C1orf167: variants seen among roughly 807,000 people sequenced by gnomAD.
The protein encoded by C1orf167 is uncharacterized protein C1orf167.
C1orf167 carries 153 observed loss-of-function variants against 176.5 expected under a neutral mutation model. The ratio of observed to expected loss-of-function variants is 0.87; its 90% confidence interval spans 0.76 to 0.99. The LOEUF is 0.99. C1orf167 is among the 50% of genes least tolerant of loss of function. The pLI is 0.00. For synonymous variants in C1orf167, 594 were observed against 752.7 expected (o/e 0.79, Z 3.45); for missense variants, 1,490 against 1,817.7 (o/e 0.82, Z 3.28).
In C1orf167 at chr1:11,771,573, C is replaced by G; in HGVS notation, c.1747C>G (p.Pro583Ala). 1 of 1,289,818 alleles carries G rather than the reference C, an allele frequency of 7.8e-7. No homozygotes were observed. Among genetic ancestry groups the G allele is most frequent in the Non-Finnish European group, 1.0e-6 (1 of 988,880 alleles). 79.9% of individuals were successfully genotyped at this position (1,289,818 alleles called of 1,614,324 possible). The change falls in exon 7 of 21, where the codon CCT becomes GCT. Residue 583 changes from proline (P) to alanine (A), a missense_variant. Transcript: ENST00000688073. The stretch of plus-strand genomic sequence containing the variant: ...GATTGCTCAGCGGCTTCTGTCACAT[C>G]CTAGGCAGAGAACAGACAGCAGACA... Reference protein sequence around the residue: ...EEIAQRLLSHPRQRTDSRHER... With the variant: ...EEIAQRLLSHARQRTDSRHER...
In C1orf167 at chr1:11,768,001, A is replaced by G. The variant is rs1642880241; in HGVS notation, c.1344-76A>G. On this transcript the variant is annotated intron_variant, in intron 4 of 20. Transcript: ENST00000688073. This position sits in a 1 kb window ranked among gnomAD's most constrained non-coding sequence, Gnocchi z 4.5. ...ACTGATTGCTGGAAAGGCATCTCAG[A>G]GGGTATCCAGCCACTGGGCTGTCCC... The G allele has an allele frequency of 9.7e-6, 11 of 1,130,758 alleles. No individual in the cohort carries two copies. Among genetic ancestry groups the G allele is most frequent in the Non-Finnish European group, 4.5e-6 (4 of 879,538 alleles). The allele number at this position is 1,130,758 out of a possible 1,614,324, so 70.0% of individuals were successfully genotyped here. A position where few individuals can be genotyped will look rare whatever the true frequency, so the allele number is the denominator to read the frequency against.
intron 13 of C1orf167, 54 bp downstream of exon 13, chr1:11,780,064 T>A (rs879626202): frequency 8.4e-7 from 1 of 1,187,872 alleles, no homozygotes; most frequent in Admixed American, 3.1e-5. Flanking sequence ...CCAGGGTCTG[T>A]CTGAGACCCA....
At chr1:11,771,069 A>ATTTT (rs147195468) in intron 6 of C1orf167, among the ~76,000 whole-genome samples, 23 of 47,224 alleles carry the variant, frequency 4.9e-4, no homozygotes, top group Admixed American at 1.2e-3. Flanking sequence ...ATATATATAT[A>ATTTT]TTTTTTTTTT....
chr1:11,787,494 G>A lies in C1orf167; in HGVS notation c.3673+1G>A. 1 of 1,300,168 alleles carries A rather than the reference G, an allele frequency of 7.7e-7. No homozygotes were observed. Among genetic ancestry groups the A allele is most frequent in the South Asian group, 1.2e-5 (1 of 80,676 alleles). The allele number at this position is 1,300,168 out of a possible 1,614,324, so 80.5% of individuals were successfully genotyped here. ...CCAAGGGGAACGGCCTGGGCTCAGAGTAAGGAGACCTTGCCCCGGGGGACA... is the reference window on the plus strand; with the variant it reads ...CCAAGGGGAACGGCCTGGGCTCAGAATAAGGAGACCTTGCCCCGGGGGACA... On this transcript the variant is annotated splice_donor_variant, in intron 17 of 20. Coordinates refer to ENST00000688073, the MANE Select transcript of C1orf167 (RefSeq NM_001010881.2). LOFTEE classifies it high-confidence loss of function.
rs887779152 is a variant in C1orf167, at chr1:11,773,659, G to C, written c.1988+1400G>C. Among the ~76,000 whole-genome samples the C allele has an allele frequency of 4.6e-5, 7 of 152,132 alleles. No homozygotes were observed. The South Asian group carries it at 1.2e-3, about 27-fold the overall frequency. ...GGAGGCAGAGGTTGCAGTGAGCCGA[G>C]ATCGTGCCACTGCACTCCAGCCTAG... On this transcript the variant is annotated intron_variant, in intron 8 of 20. Coordinates refer to ENST00000688073, the MANE Select transcript of C1orf167 (RefSeq NM_001010881.2).
chr1:11,769,204 C>T, intron 6 of C1orf167, 77 bp downstream of exon 6: 1 of 945,132 alleles, frequency 1.1e-6, no homozygotes, highest in Non-Finnish European at 1.3e-6. Flanking sequence ...TTCCTCATCC[C>T]CACAAAAGAA....
chr1:11,787,806 C>T (rs573066823), intron 17 of C1orf167, 67 bp from the exon 18 acceptor site: 14 of 1,183,000 alleles, frequency 1.2e-5, no homozygotes, highest in South Asian at 6.5e-5. Context: ...AACTCCTAGG[C>T]GGGCACTAAG....
intron 1 of C1orf167, among the ~76,000 whole-genome samples, chr1:11,763,489 A>C (rs1430425098): frequency 1.3e-5 from 2 of 151,764 alleles, no homozygotes; most frequent in African/African-American, 4.8e-5. Context: ...TCTTGCAGCT[A>C]TTGAGCTCTG....
At chr1:11,763,495 C>T (rs888681360) in intron 1 of C1orf167, among the ~76,000 whole-genome samples, 1 of 151,698 alleles carries the variant, frequency 6.6e-6, no homozygotes, top group African/African-American at 2.4e-5. Flanking sequence ...AGCTATTGAG[C>T]TCTGCTATTG....
rs77347935 is a variant in C1orf167, at chr1:11,768,307, G to A, written c.1542+32G>A. On this transcript the variant is annotated intron_variant, in intron 5 of 20. Coordinates refer to ENST00000688073, the MANE Select transcript of C1orf167 (RefSeq NM_001010881.2). This position sits in a 1 kb window ranked among gnomAD's most constrained non-coding sequence, Gnocchi z 4.5. Reference sequence around the variant, plus strand: ...GGTCTCCAGGTTGGGCCAGGGGGCCGTGTGAAGCAGTGGTGTGTCTGGGGA... The same window carrying A: ...GGTCTCCAGGTTGGGCCAGGGGGCCATGTGAAGCAGTGGTGTGTCTGGGGA... The A allele has an allele frequency of 0.11, 144,066 of 1,284,958 alleles. 8,957 individuals are homozygous for A. The highest frequency in any genetic ancestry group is 0.21 in the South Asian group (17,027 of 80,748). The allele number at this position is 1,284,958 out of a possible 1,614,324, so 79.6% of individuals were successfully genotyped here. A position where few individuals can be genotyped will look rare whatever the true frequency, so the allele number is the denominator to read the frequency against.
At position 11,775,428 on chromosome 1, in the gene C1orf167, C is replaced by T; in HGVS notation, c.1989-7C>T. ...TTGACATGGGTACTTTCCCTCTGTT[C>T]TCCCAGGTGCTTCGGGGCGTGGCAG... On this transcript the variant is annotated splice_polypyrimidine_tract_variant and splice_region_variant and intron_variant, in intron 8 of 20. Coordinates refer to ENST00000688073, the MANE Select transcript of C1orf167 (RefSeq NM_001010881.2). The T allele has an allele frequency of 1.5e-6, 2 of 1,290,438 alleles. No homozygotes were observed. Among genetic ancestry groups the T allele is most frequent in the Non-Finnish European group, 2.0e-6 (2 of 981,994 alleles). 79.9% of individuals were successfully genotyped at this position (1,290,438 alleles called of 1,614,324 possible).
intron 6 of C1orf167, among the ~76,000 whole-genome samples, chr1:11,770,396 A>G (rs1434993335): frequency 6.6e-6 from 1 of 152,002 alleles, no homozygotes; most frequent in Non-Finnish European, 1.5e-5. Flanking sequence ...AAATGCTAAA[A>G]TGGAAACTAT....
At chr1:11,778,869 G>A in intron 11 of C1orf167, 53 bp downstream of exon 11, 1 of 1,293,932 alleles carries the variant, frequency 7.7e-7, no homozygotes, top group South Asian at 1.2e-5. Flanking sequence ...TGGATGGGTG[G>A]AGATTGTGGG....
rs188657034 is a variant in C1orf167, at chr1:11,789,387, G to A, written c.4291G>A (p.Ala1431Thr). ...GGGCCCCGAGAGTGGACAGGAAGCCGCCAGAGCACCGCGGGGTTGGGGGCT... is the reference window on the plus strand; with the variant it reads ...GGGCCCCGAGAGTGGACAGGAAGCCACCAGAGCACCGCGGGGTTGGGGGCT... ...PKGPESGQEAARAPRGWGLGA... is the reference protein window; with the variant it reads ...PKGPESGQEATRAPRGWGLGA... Residue 1431 changes from alanine (A) to threonine (T), a missense_variant, in exon 21 of 21, where the codon GCC (alanine) becomes ACC (threonine). Physicochemically the swap from Ala to Thr is moderately conservative, Grantham distance 58. Transcript: ENST00000688073. The A allele has an allele frequency of 3.1e-6, 4 of 1,304,158 alleles. No individual in the cohort carries two copies. Among genetic ancestry groups the A allele is most frequent in the Middle Eastern group, 2.2e-4 (1 of 4,626 alleles). The allele number at this position is 1,304,158 out of a possible 1,614,324, so 80.8% of individuals were successfully genotyped here.
intron 13 of C1orf167, among the ~76,000 whole-genome samples, chr1:11,780,542 C>T: frequency 6.6e-6 from 1 of 152,314 alleles, no homozygotes; most frequent in East Asian, 1.9e-4. Flanking sequence ...CTTCCATACC[C>T]TGACTGTGTG....
At chr1:11,767,987 GA>G in intron 4 of C1orf167, 89 bp from the exon 5 acceptor site, 1 of 1,034,418 alleles carries the variant, frequency 9.7e-7, no homozygotes, top group Non-Finnish European at 1.3e-6. Flanking sequence ...CTGATTGCTG[GA>G]AAGGCATCTC....
chr1:11,789,530 C>A lies in C1orf167; in HGVS notation c.*84C>A. ...GCCCCACACATCCAGGGAGTGATGA[C>A]AGAGGGGACAGCTTGAAGAGCTCTG... is the stretch of plus-strand genomic sequence containing the variant. On this transcript the variant is annotated 3_prime_UTR_variant, in exon 21 of 21. Transcript: ENST00000688073. 1 of 1,177,768 alleles carries A rather than the reference C, an allele frequency of 8.5e-7. No homozygotes were observed. Among genetic ancestry groups the A allele is most frequent in the Non-Finnish European group, 1.1e-6 (1 of 897,430 alleles). 73.0% of individuals were successfully genotyped at this position (1,177,768 alleles called of 1,614,324 possible).
At chr1:11,773,963 G>A (rs984880498) in intron 8 of C1orf167, among the ~76,000 whole-genome samples, 1 of 152,018 alleles carries the variant, frequency 6.6e-6, no homozygotes, top group Non-Finnish European at 1.5e-5. Context: ...GAGTGCAGTG[G>A]TGCAATCATG....
intron 13 of C1orf167, among the ~76,000 whole-genome samples, chr1:11,780,345 G>T (rs781334463): frequency 8.5e-5 from 13 of 152,166 alleles, no homozygotes; most frequent in African/African-American, 2.4e-4. Flanking sequence ...ATGAGCAAAT[G>T]AATAGACCTC....
Sources: gnomAD v4.1 joint callset for allele counts (sites outside exome capture counted in the v4.1 genomes callset) on GRCh38, gnomAD v4.1.1 for gene constraint, Gnocchi (gnomAD v3.1) non-coding constraint, MANE v1.5 for transcripts, NCBI Gene and HGNC (gene_info 2026-07-23, HGNC 2026-07-21) for gene names.